The following KCNAB1 variants were observed in gnomAD, a reference collection of about 807,000 sequenced individuals.
The protein encoded by KCNAB1 is voltage-gated potassium channel subunit beta-1.
Under a neutral mutation model 64.6 loss-of-function variants are expected in KCNAB1, and 35 were observed. The ratio of observed to expected loss-of-function variants is 0.54; its 90% CI spans 0.41 to 0.72. The LOEUF is 0.72. Ranked by LOEUF, KCNAB1 falls within the 30% of genes least tolerant of loss-of-function variation. The pLI, the probability that KCNAB1 is intolerant of heterozygous loss-of-function variation, is 0.00. For synonymous variants in KCNAB1, 177 were observed against 183.8 expected (o/e 0.96, Z 0.30); for missense variants, 401 against 512.9 (o/e 0.78, Z 2.11).
chr3:156,474,046 C>A (rs913068215), intron 7 of KCNAB1, among the ~76,000 whole-genome samples: 2 of 152,048 alleles, frequency 1.3e-5, no homozygotes, highest in African/African-American at 4.8e-5. Flanking sequence ...TTTTTAAGTT[C>A]TTATTCTCTC....
chr3:156,477,128 G>T (rs987238631), intron 8 of KCNAB1, among the ~76,000 whole-genome samples: 4 of 152,132 alleles, frequency 2.6e-5, no homozygotes, highest in African/African-American at 9.7e-5. Context: ...ACAAGATAAT[G>T]ATGTCTCTTG....
intron 1 of KCNAB1, among the ~76,000 whole-genome samples, chr3:156,257,550 C>T (rs1718167857): frequency 6.6e-6 from 1 of 152,170 alleles, no homozygotes; most frequent in African/African-American, 2.4e-5. Flanking sequence ...AATATCTTTA[C>T]ACAATAAAGA....
intron 1 of KCNAB1, among the ~76,000 whole-genome samples, chr3:156,413,458 G>A (rs1394738509): frequency 6.6e-6 from 1 of 152,170 alleles, no homozygotes; most frequent in Non-Finnish European, 1.5e-5. Context: ...CATGTGCCAA[G>A]CCCTATCTTA....
At chr3:156,400,647 C>A (rs1253275700) in intron 1 of KCNAB1, among the ~76,000 whole-genome samples, 4 of 152,202 alleles carry the variant, frequency 2.6e-5, no homozygotes. Flanking sequence ...TCTACTCTGA[C>A]CCACTGGTTC....
intron 1 of KCNAB1, among the ~76,000 whole-genome samples, chr3:156,420,045 C>T (rs1157889952): frequency 6.6e-6 from 1 of 152,232 alleles, no homozygotes; most frequent in East Asian, 1.9e-4. Flanking sequence ...AAAATATTTT[C>T]CACATGCATC....
chr3:156,139,374 C>G (rs1714559628), intron 1 of KCNAB1, among the ~76,000 whole-genome samples: 1 of 152,102 alleles, frequency 6.6e-6, no homozygotes, highest in South Asian at 2.1e-4. Flanking sequence ...GGCTCATGCC[C>G]CATGTTTTAG....
intron 1 of KCNAB1, chr3:156,176,818 C>G (rs1414131475): frequency 1.1e-6 from 1 of 898,320 alleles, no homozygotes; most frequent in Non-Finnish European, 1.8e-6. Context: ...GCTCCAGGGC[C>G]CGATCCCGCC....
intron 8 of KCNAB1, among the ~76,000 whole-genome samples, chr3:156,500,287 T>C (rs1288046290): frequency 6.6e-6 from 1 of 152,206 alleles, no homozygotes; most frequent in Non-Finnish European, 1.5e-5. Context: ...AGTGGAGGGT[T>C]AGACAAAAGA....
At chr3:156,122,550 A>G (rs1362576721) in intron 1 of KCNAB1, among the ~76,000 whole-genome samples, 1 of 152,196 alleles carries the variant, frequency 6.6e-6, no homozygotes, top group Non-Finnish European at 1.5e-5. Flanking sequence ...AAACAATAAT[A>G]TTTTGTTCTG....
In KCNAB1 at chr3:156,444,749, T is replaced by G. The variant is rs1259056204; in HGVS notation, c.320-8150T>G. ...CAGATTTCTAAGAATTTGGTTCTGT[T>G]TGTTTTGTTTTGATTCTGCATGAAA... On this transcript the variant is annotated intron_variant, in intron 2 of 13. Coordinates refer to ENST00000490337, the MANE Select transcript of KCNAB1 (RefSeq NM_172160.3). 3.9e-5 allele frequency among the ~76,000 whole-genome samples: 6 copies of G among 152,162 alleles called. No homozygotes were observed. The East Asian group carries it at 9.6e-4, about 24-fold the overall frequency.
At chr3:156,236,807 ATTGT>A (rs1692468155) in intron 1 of KCNAB1, among the ~76,000 whole-genome samples, 1 of 152,062 alleles carries the variant, frequency 6.6e-6, no homozygotes, top group African/African-American at 2.4e-5. Context: ...TGAAACTAGA[ATTGT>A]TTATTTGCCA....
chr3:156,120,493 C>T (rs1713269729), upstream of KCNAB1: 1 of 1,136,978 alleles, frequency 8.8e-7, no homozygotes. Context: ...AGCTTTGTGG[C>T]AGGATAAGGT....
At chr3:156,302,146 A>T (rs899451736) in intron 1 of KCNAB1, among the ~76,000 whole-genome samples, 5 of 152,094 alleles carry the variant, frequency 3.3e-5, no homozygotes, top group Non-Finnish European at 7.4e-5. Context: ...AAAGCACATC[A>T]TTCTAATCTC....
At chr3:156,121,476 T>A (rs1713341664) in intron 1 of KCNAB1, among the ~76,000 whole-genome samples, 1 of 152,200 alleles carries the variant, frequency 6.6e-6, no homozygotes, top group African/African-American at 2.4e-5. Flanking sequence ...CAAATCTCTA[T>A]GGGTTTTCTT....
chr3:156,139,157 A>G (rs1178697147), intron 1 of KCNAB1, among the ~76,000 whole-genome samples: 1 of 152,248 alleles, frequency 6.6e-6, no homozygotes, highest in Non-Finnish European at 1.5e-5. Context: ...GTTTGTATTG[A>G]CAACCAAAGG....
chr3:156,481,257 A>G (rs1559907792), intron 8 of KCNAB1, among the ~76,000 whole-genome samples: 2 of 151,992 alleles, frequency 1.3e-5, no homozygotes, highest in Non-Finnish European at 2.9e-5. Flanking sequence ...AATGCATTTC[A>G]TTTATTACCC....
chr3:156,141,691 A>C (rs1714716220), intron 1 of KCNAB1, among the ~76,000 whole-genome samples: 2 of 152,146 alleles, frequency 1.3e-5, no homozygotes, highest in South Asian at 4.1e-4. Flanking sequence ...GGTTGTTTCT[A>C]GATTTTGGCT....
chr3:156,148,766 G>T (rs1255818263), intron 1 of KCNAB1, among the ~76,000 whole-genome samples: 1 of 152,134 alleles, frequency 6.6e-6, no homozygotes, highest in Non-Finnish European at 1.5e-5. Flanking sequence ...ATTTATAAAG[G>T]ATAGAGGGAC....
At chr3:156,475,294 T>C (rs971940905) in intron 8 of KCNAB1, among the ~76,000 whole-genome samples, 2 of 152,116 alleles carry the variant, frequency 1.3e-5, no homozygotes, top group South Asian at 2.1e-4. Context: ...TAAGATATCA[T>C]TGCAGTTTGA....
Sources: allele counts gnomAD v4.1 joint callset (sites outside exome capture counted in the v4.1 genomes callset), GRCh38; gene constraint gnomAD v4.1.1; transcripts MANE v1.5; gene names NCBI Gene and HGNC (gene_info 2026-07-23, HGNC 2026-07-21).